CHD8: variants seen among roughly 807,000 people sequenced by gnomAD.
The protein encoded by CHD8 is ATP-dependent chromatin remodeler CHD8.
A neutral mutation model predicts 279.2 loss-of-function variants in CHD8; 31 were observed. The ratio of observed to expected loss-of-function variants is 0.11; its 90% confidence interval spans 0.08 to 0.15. CHD8 has a LOEUF of 0.15. Ranked by LOEUF, CHD8 falls within the 10% of genes least tolerant of loss-of-function variation. The probability of loss-of-function intolerance (pLI) is 1.00; values close to 1 mark genes in which losing one functional copy is unlikely to be tolerated. For synonymous variants in CHD8, 1,081 were observed against 1,139.6 expected (o/e 0.95, Z 1.04); for missense variants, 2,146 against 3,230.5 (o/e 0.66, Z 8.14).
In CHD8 at chr14:21,395,930, G is replaced by A. The variant is rs377434778; in HGVS notation, c.5052-38C>T. On this transcript the variant is annotated intron_variant, in intron 27 of 37. Transcript: ENST00000646647. ...AGAGGCACAAGAAAATGTTAATAAT[G>A]TATCTTCTATCACTAAGGGAACCTA... 5 of 1,358,668 alleles carry A rather than the reference G, an allele frequency of 3.7e-6. No individual in the cohort carries two copies. In the African/African-American group the frequency reaches 7.2e-5, roughly 20 times the overall value. The allele number at this position is 1,358,668 out of a possible 1,614,324, so 84.2% of individuals were successfully genotyped here. A position where few individuals can be genotyped will look rare whatever the true frequency, so the allele number is the denominator to read the frequency against.
intron 1 of CHD8, among the ~76,000 whole-genome samples, chr14:21,435,978 T>C (rs1566449569): frequency 6.6e-6 from 1 of 152,352 alleles, no homozygotes; most frequent in East Asian, 1.9e-4. Context: ...AGAGATTAGT[T>C]CTGTCGTCTA....
intron 1 of CHD8, among the ~76,000 whole-genome samples, chr14:21,451,361 G>A (rs1343431070): frequency 2.0e-5 from 3 of 151,988 alleles, no homozygotes; most frequent in Non-Finnish European, 2.9e-5. Context: ...CTTGAGCCCA[G>A]GAGTTTGAGA....
rs1831379592 is a variant in CHD8 at position 21,403,739 on chromosome 14, C to T, written c.3308-76G>A. ...GTTGTAGTCTATTTAACTAAGAAAGCAAAAGGAAAAAAATGTAATTTGACT... is the reference window on the plus strand; with the variant it reads ...GTTGTAGTCTATTTAACTAAGAAAGTAAAAGGAAAAAAATGTAATTTGACT... On this transcript the variant is annotated intron_variant, in intron 16 of 37. Transcript: ENST00000646647. This position sits in a 1 kb window ranked among gnomAD's most constrained non-coding sequence, Gnocchi z 4.3. 4.1e-6 allele frequency: 5 copies of T among 1,223,608 alleles called. No individual in the cohort carries two copies. The Admixed American group carries it at 9.2e-5, about 23-fold the overall frequency. The allele number at this position is 1,223,608 out of a possible 1,614,324, so 75.8% of individuals were successfully genotyped here. A position where few individuals can be genotyped will look rare whatever the true frequency, so the allele number is the denominator to read the frequency against.
At position 21,408,224 on chromosome 14, in the gene CHD8, AG is replaced by A. The variant is rs1196235199; in HGVS notation, c.2730+87del. 2.0e-6 allele frequency: 3 copies of A among 1,463,648 alleles called. No homozygotes were observed. The Admixed American group carries it at 6.1e-5, about 30-fold the overall frequency. The allele number at this position is 1,463,648 out of a possible 1,614,324, so 90.7% of individuals were successfully genotyped here. A position where few individuals can be genotyped will look rare whatever the true frequency, so the allele number is the denominator to read the frequency against. ...AGGCATATTGAAGACTTTCAATAAAAGTCTTCTATTCATATATAGCCCTTAA... is the reference window on the plus strand; with the variant it reads ...AGGCATATTGAAGACTTTCAATAAAATCTTCTATTCATATATAGCCCTTAA... On this transcript the variant is annotated intron_variant, in intron 13 of 37. Coordinates refer to ENST00000646647, the MANE Select transcript of CHD8 (RefSeq NM_001170629.2). The surrounding 1 kb of genome is among the most constrained non-coding windows in gnomAD (Gnocchi z 4.3).
chr14:21,416,340 A>C (rs75750330), intron 5 of CHD8: 2,051 of 153,688 alleles, frequency 0.013, 48 homozygotes, highest in African/African-American at 0.047. Flanking sequence ...TCTGCCACTT[A>C]CTTTTTTATT....
At chr14:21,419,060 G>A (rs916124345) in intron 5 of CHD8, among the ~76,000 whole-genome samples, 3 of 152,070 alleles carry the variant, frequency 2.0e-5, no homozygotes, top group South Asian at 2.1e-4. Flanking sequence ...TATATTCTAC[G>A]TCATTTTAAA....
Position 21,403,389 on chromosome 14 carries a change from C to A in CHD8, c.3518+64G>T. 1 of 1,368,802 alleles carries A rather than the reference C, an allele frequency of 7.3e-7. No homozygotes were observed. The allele number at this position is 1,368,802 out of a possible 1,614,324, so 84.8% of individuals were successfully genotyped here. ...TGGTGAACTCTAATTAAATCCAGGCCCTCCTACTTTTTGCTGCTTTATGAG... is the reference window on the plus strand; with the variant it reads ...TGGTGAACTCTAATTAAATCCAGGCACTCCTACTTTTTGCTGCTTTATGAG... On this transcript the variant is annotated intron_variant, in intron 17 of 37. Transcript: ENST00000646647. The surrounding 1 kb of genome is among the most constrained non-coding windows in gnomAD (Gnocchi z 4.3).
intron 37 of CHD8, among the ~76,000 whole-genome samples, chr14:21,389,073 G>A (rs953316299): frequency 3.2e-4 from 49 of 151,402 alleles, no homozygotes; most frequent in African/African-American, 1.2e-3. Context: ...AGGCTGAGGC[G>A]GGTGGATCAC....
chr14:21,395,305 T>G lies in CHD8; in HGVS notation c.5175A>C (p.Gly1725=), dbSNP rs1428138381. The part of the protein sequence containing the change: ...MMDEEISVID[G]DEAQVTQQPG... ...GTTGACCTAGAAGTTTACCTTCATCTCCATCAATCACTGAGATCTCCTCAT... is the reference window on the plus strand; with the variant it reads ...GTTGACCTAGAAGTTTACCTTCATCGCCATCAATCACTGAGATCTCCTCAT... Residue 1725 remains glycine (G), a synonymous_variant, in exon 29 of 38, where the codon GGA becomes GGC. Transcript: ENST00000646647. 6 of 1,607,704 alleles carry G rather than the reference T, an allele frequency of 3.7e-6. No homozygotes were observed. The highest frequency in any genetic ancestry group is 2.2e-5 in the South Asian group (2 of 90,346).
intron 2 of CHD8, 144 bp downstream of exon 2, chr14:21,430,657 T>G (rs1889527103): frequency 1.6e-6 from 1 of 609,822 alleles, no homozygotes; most frequent in African/African-American, 1.8e-5. Flanking sequence ...GTACTAAGTA[T>G]GTGGCTGTCA....
At chr14:21,419,589 A>T (rs998664417) in intron 5 of CHD8, 1 of 159,708 alleles carries the variant, frequency 6.3e-6, no homozygotes, top group Non-Finnish European at 1.4e-5. Flanking sequence ...AAAACAAAAA[A>T]AATAATCCTG....
chr14:21,386,823 C>T (rs1012083328), intron 37 of CHD8, among the ~76,000 whole-genome samples: 1 of 140,140 alleles, frequency 7.1e-6, no homozygotes, highest in Non-Finnish European at 1.5e-5. Flanking sequence ...TGAGCGACAG[C>T]GAGACTCCGT....
chr14:21,437,001 T>G lies in CHD8; in HGVS notation c.-215-5143A>C, dbSNP rs1472688510. 3.2e-6 allele frequency: 4 copies of G among 1,268,250 alleles called. No individual in the cohort carries two copies. The East Asian group carries it at 1.7e-4, about 55-fold the overall frequency. The allele number at this position is 1,268,250 out of a possible 1,614,324, so 78.6% of individuals were successfully genotyped here. Reference sequence around the variant, plus strand: ...CAAAATGGAAATGAGGTACATGCACTTGAGGTAAGGAGCTAGCGGGGGTGC... The same window carrying G: ...CAAAATGGAAATGAGGTACATGCACGTGAGGTAAGGAGCTAGCGGGGGTGC... On this transcript the variant is annotated intron_variant, in intron 1 of 37. Coordinates refer to ENST00000646647, the MANE Select transcript of CHD8 (RefSeq NM_001170629.2).
In CHD8 at chr14:21,391,072, G is replaced by GA. The variant is rs1242718659; in HGVS notation, c.7066-10dup. Reference sequence around the variant, plus strand: ...CTGCGATCCTCCATATACTGCAATAGAAAAAATCAGTTATCCTAGAGGAAT... The same window carrying GA: ...CTGCGATCCTCCATATACTGCAATAGAAAAAAATCAGTTATCCTAGAGGAAT... On this transcript the variant is annotated splice_polypyrimidine_tract_variant and intron_variant, in intron 36 of 37. Coordinates refer to ENST00000646647, the MANE Select transcript of CHD8 (RefSeq NM_001170629.2). The GA allele has an allele frequency of 1.4e-5, 20 of 1,478,518 alleles. No individual in the cohort carries two copies. Among genetic ancestry groups the GA allele is most frequent in the East Asian group, 2.3e-5 (1 of 42,740 alleles). The allele number at this position is 1,478,518 out of a possible 1,614,324, so 91.6% of individuals were successfully genotyped here. A position where few individuals can be genotyped will look rare whatever the true frequency, so the allele number is the denominator to read the frequency against.
chr14:21,431,757 G>T lies in CHD8; in HGVS notation c.-114C>A. 1 of 1,612,376 alleles carries T rather than the reference G, an allele frequency of 6.2e-7. No individual in the cohort carries two copies. The highest frequency in any genetic ancestry group is 8.5e-7 in the Non-Finnish European group (1 of 1,178,610). On this transcript the variant is annotated 5_prime_UTR_variant, in exon 2 of 38. Transcript: ENST00000646647. ...GAAAAAAATGTACACAATGTAAGAG[G>T]ACTACTCTTCAAGTATAGAGGCAAG...
chr14:21,454,172 GA>G (rs959116710), intron 1 of CHD8, among the ~76,000 whole-genome samples: 5 of 112,118 alleles, frequency 4.5e-5, no homozygotes, highest in Non-Finnish European at 8.6e-5. Context: ...AAAAAGAAAA[GA>G]AAAGAAAAGA....
Position 21,399,597 on chromosome 14 carries a change from C to G in CHD8, c.4921+5G>C, listed in dbSNP as rs377595194. 1 of 1,600,844 alleles carries G rather than the reference C, an allele frequency of 6.2e-7. No individual in the cohort carries two copies. Among genetic ancestry groups the G allele is most frequent in the Non-Finnish European group, 8.6e-7 (1 of 1,167,986 alleles). On this transcript the variant is annotated splice_donor_5th_base_variant and intron_variant, in intron 26 of 37. Transcript: ENST00000646647. The stretch of plus-strand genomic sequence containing the variant: ...GAAAGGAGTAGAATAGGAGAAGATA[C>G]GTACCATGTTTAAAGACTCCAATGA...
In CHD8 at chr14:21,414,856, CA is replaced by C. The variant is rs1365210242; in HGVS notation, c.2024+81del. 53 of 1,000,732 alleles carry C rather than the reference CA, an allele frequency of 5.3e-5. No homozygotes were observed. The East Asian group carries it at 1.3e-3, about 24-fold the overall frequency. The allele number at this position is 1,000,732 out of a possible 1,614,324, so 62.0% of individuals were successfully genotyped here. On this transcript the variant is annotated intron_variant, in intron 8 of 37. Coordinates refer to ENST00000646647, the MANE Select transcript of CHD8 (RefSeq NM_001170629.2). ...GCTACAAGACTATAAAAAAGGGACA[CA>C]TTCCCACCCAGGATACCCAGGAGAA...
chr14:21,398,824 A>G (rs959297171), intron 26 of CHD8: 3 of 213,916 alleles, frequency 1.4e-5, no homozygotes, highest in African/African-American at 2.3e-5. Context: ...CCTCATACCT[A>G]TATCAGAGAG....
Sources: allele counts gnomAD v4.1 joint callset (sites outside exome capture counted in the v4.1 genomes callset), GRCh38; gene constraint gnomAD v4.1.1; non-coding constraint Gnocchi (gnomAD v3.1); transcripts MANE v1.5; gene names NCBI Gene and HGNC (gene_info 2026-07-23, HGNC 2026-07-21).